Variants in FEZF1 observed in about 807,000 individuals in gnomAD.
The protein encoded by FEZF1 is FEZ family zinc finger 1.
FEZF1 carries 8 observed loss-of-function variants against 32.4 expected under a neutral mutation model. The ratio of observed to expected loss-of-function variants is 0.25; its 90% CI spans 0.15 to 0.45. The LOEUF (loss-of-function observed/expected upper bound fraction) is 0.45, where lower values mean the gene tolerates loss of function less well. FEZF1 is among the 20% of genes least tolerant of loss of function. FEZF1 has a pLI of 1.00. For missense variants in FEZF1, 546 were observed against 622.3 expected, an observed-to-expected ratio of 0.88 and a Z score of 1.31; for synonymous variants, 259 against 265.2, an observed-to-expected ratio of 0.98 and a Z score of 0.23.
In FEZF1 at chr7:122,304,189, G is replaced by A; in HGVS notation, c.249C>T (p.Asp83=). ...CMIPFVPVAY[D]TSPKAGVTGS... ...CCGTCACTCCTGCCTTGGGGCTCGT[G>A]TCGTAGGCCACAGGCACGAAGGGGA... The change falls in exon 1 of 4, where the codon GAC becomes GAT. Residue 83 remains aspartate (D), a synonymous_variant. Transcript: ENST00000442488. The A allele has an allele frequency of 6.3e-7, 1 of 1,598,252 alleles. No homozygotes were observed. Among genetic ancestry groups the A allele is most frequent in the Non-Finnish European group, 8.5e-7 (1 of 1,170,116 alleles).
upstream of FEZF1, chr7:122,306,309 G>A (rs1427601936): frequency 6.6e-6 from 1 of 152,476 alleles, no homozygotes; most frequent in African/African-American, 2.4e-5. Flanking sequence ...GCGGGTGTCA[G>A]GTATTGGGCC....
upstream of FEZF1, among the ~76,000 whole-genome samples, chr7:122,309,013 TTTG>T (rs754832535): frequency 4.6e-5 from 7 of 152,210 alleles, no homozygotes; most frequent in Non-Finnish European, 1.0e-4. Context: ...TGGCTGGTCT[TTTG>T]TTATTTCTTT....
At chr7:122,303,501 G>GGAAA in intron 1 of FEZF1, 136 bp downstream of exon 1, 2 of 535,878 alleles carry the variant, frequency 3.7e-6, no homozygotes, top group East Asian at 6.2e-5. Context: ...AAGGAAGGAA[G>GGAAA]GAAGGAAGGA....
rs2031045810 is a variant in FEZF1, at chr7:122,301,896, A to G, written c.*101T>C. Reference sequence around the variant, plus strand: ...GGTCGGCCCTGAAGTGTGGGGCCCAACATGCCCTGGGGTCTGCAGACGAAC... The same window carrying G: ...GGTCGGCCCTGAAGTGTGGGGCCCAGCATGCCCTGGGGTCTGCAGACGAAC... On this transcript the variant is annotated 3_prime_UTR_variant, in exon 4 of 4. Transcript: ENST00000442488. 2.7e-6 allele frequency: 4 copies of G among 1,487,964 alleles called. No homozygotes were observed. Among genetic ancestry groups the G allele is most frequent in the South Asian group, 2.7e-5 (2 of 74,622 alleles). The allele number at this position is 1,487,964 out of a possible 1,614,324, so 92.2% of individuals were successfully genotyped here.
At chr7:122,305,587 C>G (rs1443193893), upstream of FEZF1, 1 of 152,272 alleles carries the variant, frequency 6.6e-6, no homozygotes, top group African/African-American at 2.4e-5. Flanking sequence ...CGCGCGCGCA[C>G]GCTTCCGAGT....
rs749403794 is a variant in FEZF1, at chr7:122,303,761, A to C, written c.677T>G (p.Leu226Arg). 4.3e-6 allele frequency: 7 copies of C among 1,614,224 alleles called. No homozygotes were observed. In the East Asian group the frequency reaches 1.6e-4, roughly 36 times the overall value. Residue 226 changes from leucine (L) to arginine (R), a missense_variant, in exon 1 of 4, where the codon CTG (leucine) becomes CGG (arginine). This residue lies in a region of FEZF1 where 345 missense variants were observed against 360.6 expected (regional missense o/e 0.96). Coordinates refer to ENST00000442488, the MANE Select transcript of FEZF1 (RefSeq NM_001024613.4). ...GGCGCTTTCTTTCATGTAATGCTGC[A>C]GCTGAGCCTGGGACAGGTCTTTGAA... ...VAFKDLSQAQ[L>R]QHYMKESAQL...
At chr7:122,310,708 C>T (rs2031400603), upstream of FEZF1, 1 of 152,412 alleles carries the variant, frequency 6.6e-6, no homozygotes, top group Admixed American at 6.5e-5. Context: ...ACCACCACCG[C>T]CCCAGCTGGT....
upstream of FEZF1, chr7:122,305,083 A>G (rs1182825864): frequency 6.6e-6 from 1 of 152,238 alleles, no homozygotes; most frequent in Non-Finnish European, 1.5e-5. Context: ...TGCAAGGGCT[A>G]AATAAGGAAA....
In FEZF1 at chr7:122,302,736, C is replaced by T. The variant is rs1563041491; in HGVS notation, c.1069+63G>A. The T allele has an allele frequency of 1.3e-6, 2 of 1,565,714 alleles. No individual in the cohort carries two copies. The highest frequency in any genetic ancestry group is 1.1e-5 in the South Asian group (1 of 87,796). On this transcript the variant is annotated intron_variant, in intron 3 of 3. Transcript: ENST00000442488. This position sits in a 1 kb window ranked among gnomAD's most constrained non-coding sequence, Gnocchi z 4.4. ...TTAAACATCGTCTTCTAAAACATCC[C>T]GAAAGTATTAAGTATGGCTTTTCAT...
intron 2 of FEZF1, 108 bp from the exon 3 acceptor site, chr7:122,303,039 G>A (rs2031102061): frequency 1.3e-6 from 2 of 1,524,678 alleles, no homozygotes; most frequent in Admixed American, 3.7e-5. Context: ...CAGAACAAAA[G>A]CAAACAATAC....
At chr7:122,309,292 T>G (rs963017697), upstream of FEZF1, among the ~76,000 whole-genome samples, 1 of 152,242 alleles carries the variant, frequency 6.6e-6, no homozygotes, top group African/African-American at 2.4e-5. Context: ...TGGGAAGGGT[T>G]GATTAACTCA....
Position 122,304,426 on chromosome 7 carries a change from G to A in FEZF1, c.12C>T (p.Ser4=). Reference sequence around the variant, plus strand: ...ACATTTTGGTAGTCGCGTTGTGGCAGCTACTGTCCATGTCTGAGTCGCCAG... The same window carrying A: ...ACATTTTGGTAGTCGCGTTGTGGCAACTACTGTCCATGTCTGAGTCGCCAG... MDS[S]CHNATTKMLA... Residue 4 remains serine, a synonymous_variant, in exon 1 of 4, where the codon AGC becomes AGT. Coordinates refer to ENST00000442488, the MANE Select transcript of FEZF1 (RefSeq NM_001024613.4). The A allele has an allele frequency of 6.4e-7, 1 of 1,571,976 alleles. No individual in the cohort carries two copies. The highest frequency in any genetic ancestry group is 8.7e-7 in the Non-Finnish European group (1 of 1,153,492).
chr7:122,301,985 C>G lies in FEZF1; in HGVS notation c.*12G>C, dbSNP rs766932093. 12 of 1,580,206 alleles carry G rather than the reference C, an allele frequency of 7.6e-6. No homozygotes were observed. In the African/African-American group the frequency reaches 1.2e-4, roughly 16 times the overall value. ...GGGGCACGGCTGAGGCTGGGAGGACCCTTAGCCTCGATCACTGGTGGCCCT... is the reference window on the plus strand; with the variant it reads ...GGGGCACGGCTGAGGCTGGGAGGACGCTTAGCCTCGATCACTGGTGGCCCT... On this transcript the variant is annotated 3_prime_UTR_variant, in exon 4 of 4. Transcript: ENST00000442488.
chr7:122,303,634 T>G lies in FEZF1; in HGVS notation c.801+3A>C, dbSNP rs777250654. Reference sequence around the variant, plus strand: ...AAGGATCTCCGTTTTGCATTGTACTTGCCTTTCCACACACTTCGCAAGTGA... The same window carrying G: ...AAGGATCTCCGTTTTGCATTGTACTGGCCTTTCCACACACTTCGCAAGTGA... On this transcript the variant is annotated splice_donor_region_variant and intron_variant, in intron 1 of 3. Coordinates refer to ENST00000442488, the MANE Select transcript of FEZF1 (RefSeq NM_001024613.4). 6.2e-7 allele frequency: 1 copy of G among 1,612,252 alleles called. No homozygotes were observed. The highest frequency in any genetic ancestry group is 1.3e-5 in the African/African-American group (1 of 74,688).
chr7:122,306,569 C>T (rs2031286948), upstream of FEZF1: 1 of 152,226 alleles, frequency 6.6e-6, no homozygotes, highest in African/African-American at 2.4e-5. Flanking sequence ...AAATCAGTTC[C>T]GCCTCTGCCC....
chr7:122,304,073 T>C lies in FEZF1; in HGVS notation c.365A>G (p.Asn122Ser). The C allele has an allele frequency of 1.3e-6, 2 of 1,565,824 alleles. No homozygotes were observed. Among genetic ancestry groups the C allele is most frequent in the Non-Finnish European group, 1.7e-6 (2 of 1,157,948 alleles). ...GTCGCCCTTGAGACTCAGTGCGCAGTTGAGCAGGTCGCTGCAGCTGAATGC... is the reference window on the plus strand; with the variant it reads ...GTCGCCCTTGAGACTCAGTGCGCAGCTGAGCAGGTCGCTGCAGCTGAATGC... The part of the protein sequence containing the change: ...APAFSCSDLL[N>S]CALSLKGDLA... Residue 122 changes from asparagine (N) to serine (S), a missense_variant, in exon 1 of 4, where the codon AAC (asparagine) becomes AGC (serine). Transcript: ENST00000442488.
chr7:122,306,556 C>G (rs1034290083), upstream of FEZF1: 4 of 152,200 alleles, frequency 2.6e-5, no homozygotes. Flanking sequence ...TAACTTTCCG[C>G]GAAAATCAGT....
In FEZF1 at chr7:122,301,861, A is replaced by C. The variant is rs2031044251; in HGVS notation, c.*136T>G. 8.0e-7 allele frequency: 1 copy of C among 1,245,900 alleles called. No homozygotes were observed. Among genetic ancestry groups the C allele is most frequent in the Non-Finnish European group, 1.1e-6 (1 of 915,404 alleles). 77.2% of individuals were successfully genotyped at this position (1,245,900 alleles called of 1,614,324 possible). A position where few individuals can be genotyped will look rare whatever the true frequency, so the allele number is the denominator to read the frequency against. On this transcript the variant is annotated 3_prime_UTR_variant, in exon 4 of 4. Coordinates refer to ENST00000442488, the MANE Select transcript of FEZF1 (RefSeq NM_001024613.4). ...CAAGAGGCGAAAGGCCAGGGGATGC[A>C]GAGGCTTCTGGTCGGCCCTGAAGTG...
At chr7:122,303,022 T>TG in intron 2 of FEZF1, 91 bp from the exon 3 acceptor site, 1 of 1,521,318 alleles carries the variant, frequency 6.6e-7, no homozygotes, top group Non-Finnish European at 8.9e-7. Context: ...GCTTAAACAC[T>TG]TTCAAGCAGA....
Sources: gnomAD v4.1 joint callset for allele counts (sites outside exome capture counted in the v4.1 genomes callset) on GRCh38, gnomAD v4.1.1 for gene constraint, gnomAD v4.1.1 regional missense constraint, Gnocchi (gnomAD v3.1) non-coding constraint, MANE v1.5 for transcripts, NCBI Gene and HGNC (gene_info 2026-07-23, HGNC 2026-07-21) for gene names.